The following FBXO31 variants were observed in gnomAD, a reference collection of about 807,000 sequenced individuals.
FBXO31 encodes F-box only protein 31.
Under a neutral mutation model 54.4 loss-of-function variants are expected in FBXO31, and 24 were observed. That is an observed-to-expected ratio of 0.44 (90% CI 0.32 to 0.62). The LOEUF is 0.62. Among genes scored for constraint, FBXO31 ranks in the 20% least tolerant of loss-of-function variants. The pLI is 0.05. For missense variants in FBXO31, 665 were observed against 787.1 expected, an observed-to-expected ratio of 0.84 and a Z score of 1.86; for synonymous variants, 388 against 335.6, an observed-to-expected ratio of 1.16 and a Z score of -1.71.
At chr16:87,334,949 G>A (rs958286218) in intron 7 of FBXO31, among the ~76,000 whole-genome samples, 2 of 152,216 alleles carry the variant, frequency 1.3e-5, no homozygotes, top group Non-Finnish European at 2.9e-5. Flanking sequence ...AGCTGCTGGA[G>A]GGGCCCCTTT....
At chr16:87,364,224 T>C (rs1029034321) in intron 1 of FBXO31, among the ~76,000 whole-genome samples, 1 of 152,188 alleles carries the variant, frequency 6.6e-6, no homozygotes, top group African/African-American at 2.4e-5. Context: ...ATGGAGCTCA[T>C]CCCACAAGAC....
rs1271311984 is a variant in FBXO31 at position 87,383,069 on chromosome 16, G to A, written c.340+336C>T. 6.6e-6 allele frequency among the ~76,000 whole-genome samples: 1 copy of A among 152,046 alleles called. No homozygotes were observed. The highest frequency in any genetic ancestry group is 1.5e-5 in the Non-Finnish European group (1 of 67,968). On this transcript the variant is annotated intron_variant, in intron 1 of 8. Transcript: ENST00000311635. The surrounding 1 kb of genome is among the most constrained non-coding windows in gnomAD (Gnocchi z 4.9). Reference sequence around the variant, plus strand: ...CCCGCGCAGACCTCGAGGGATCCCAGCCCCAGCTCCCGGCACGGCCTCGGC... The same window carrying A: ...CCCGCGCAGACCTCGAGGGATCCCAACCCCAGCTCCCGGCACGGCCTCGGC...
At chr16:87,340,759 C>G (rs572650172) in intron 5 of FBXO31, among the ~76,000 whole-genome samples, 29 of 152,250 alleles carry the variant, frequency 1.9e-4, no homozygotes, top group African/African-American at 7.0e-4. Flanking sequence ...GAGTTTGAGA[C>G]CTGCCTGGGC....
At chr16:87,368,563 C>A (rs912636221) in intron 1 of FBXO31, among the ~76,000 whole-genome samples, 5 of 151,938 alleles carry the variant, frequency 3.3e-5, no homozygotes, top group African/African-American at 1.2e-4. Context: ...GCAACAGGTT[C>A]AGTGTTGCAG....
At chr16:87,369,172 T>G (rs1906491817) in intron 1 of FBXO31, among the ~76,000 whole-genome samples, 1 of 152,068 alleles carries the variant, frequency 6.6e-6, no homozygotes, top group African/African-American at 2.4e-5. Flanking sequence ...GGCAATTTAG[T>G]TTTGTTATCA....
chr16:87,354,312 A>C (rs1905799483), intron 2 of FBXO31, among the ~76,000 whole-genome samples: 1 of 152,102 alleles, frequency 6.6e-6, no homozygotes, highest in South Asian at 2.1e-4. Flanking sequence ...GTCTCTACAA[A>C]AACAACAGAA....
At chr16:87,362,504 T>A (rs2150687346) in intron 1 of FBXO31, 1 of 152,366 alleles carries the variant, frequency 6.6e-6, no homozygotes, top group Middle Eastern at 3.4e-3. Flanking sequence ...AGTCTCGCTC[T>A]GTTGCCCAGG....
chr16:87,356,923 C>T (rs1567622281), intron 2 of FBXO31, among the ~76,000 whole-genome samples: 1 of 152,136 alleles, frequency 6.6e-6, no homozygotes, highest in Non-Finnish European at 1.5e-5. Context: ...TCATTGTCTC[C>T]ATCACCACTC....
upstream of FBXO31, among the ~76,000 whole-genome samples, chr16:87,390,484 A>T (rs1460663139): frequency 2.7e-5 from 4 of 150,656 alleles, no homozygotes; most frequent in East Asian, 7.9e-4. Context: ...TCTTTCCCCC[A>T]GGCTGGAGTG....
intron 3 of FBXO31, among the ~76,000 whole-genome samples, chr16:87,344,383 C>T (rs560839945): frequency 1.5e-4 from 23 of 152,334 alleles, no homozygotes; most frequent in African/African-American, 5.1e-4. Flanking sequence ...TCTCGCGTGT[C>T]CGGGCGCCGA....
chr16:87,370,797 A>G (rs1276810178), intron 1 of FBXO31, among the ~76,000 whole-genome samples: 1 of 152,174 alleles, frequency 6.6e-6, no homozygotes, highest in African/African-American at 2.4e-5. Context: ...CAGTTTTCCA[A>G]ATAAAACCAA....
At chr16:87,391,357 C>G (rs988381743), upstream of FBXO31, among the ~76,000 whole-genome samples, 1 of 152,240 alleles carries the variant, frequency 6.6e-6, no homozygotes, top group Non-Finnish European at 1.5e-5. Flanking sequence ...ACATTGGCCA[C>G]AGGCTGAGGT....
chr16:87,374,821 A>G (rs1906751748), intron 1 of FBXO31, among the ~76,000 whole-genome samples: 1 of 152,198 alleles, frequency 6.6e-6, no homozygotes, highest in Admixed American at 6.5e-5. Flanking sequence ...GAATATTTTT[A>G]TTCAGAATGA....
At chr16:87,347,316 C>T in intron 2 of FBXO31, 66 bp from the exon 3 acceptor site, 1 of 1,393,304 alleles carries the variant, frequency 7.2e-7, no homozygotes, top group Non-Finnish European at 1.0e-6. Flanking sequence ...GCCCAGGAAC[C>T]CCGAGAGGGA....
chr16:87,362,095 G>A (rs1021562122), intron 1 of FBXO31, among the ~76,000 whole-genome samples: 1 of 152,232 alleles, frequency 6.6e-6, no homozygotes, highest in Non-Finnish European at 1.5e-5. Flanking sequence ...GTCACTTGAA[G>A]ATCTCCCACA....
chr16:87,368,616 T>C (rs1906466335), intron 1 of FBXO31, among the ~76,000 whole-genome samples: 1 of 150,462 alleles, frequency 6.6e-6, no homozygotes, highest in South Asian at 2.1e-4. Flanking sequence ...TCCTTACTAA[T>C]CTATTTCCTT....
At chr16:87,384,444 G>T (rs189060774), upstream of FBXO31, among the ~76,000 whole-genome samples, 3 of 152,320 alleles carry the variant, frequency 2.0e-5, no homozygotes, top group African/African-American at 7.2e-5. Context: ...GGGGATGCGC[G>T]CCCGGTCTGG....
intron 7 of FBXO31, among the ~76,000 whole-genome samples, chr16:87,334,733 T>G (rs1311386052): frequency 6.6e-6 from 1 of 152,212 alleles, no homozygotes; most frequent in African/African-American, 2.4e-5. Flanking sequence ...GGAATAGGCT[T>G]CGCCCCTTCA....
intron 7 of FBXO31, among the ~76,000 whole-genome samples, chr16:87,334,706 GAT>G (rs1904987957): frequency 6.6e-6 from 1 of 152,234 alleles, no homozygotes; most frequent in Non-Finnish European, 1.5e-5. Flanking sequence ...ATGTGGCCCT[GAT>G]CCCTGGAGGC....
Sources: allele counts gnomAD v4.1 joint callset (sites outside exome capture counted in the v4.1 genomes callset), GRCh38; gene constraint gnomAD v4.1.1; non-coding constraint Gnocchi (gnomAD v3.1); transcripts MANE v1.5; gene names NCBI Gene and HGNC (gene_info 2026-07-23, HGNC 2026-07-21).